Variants in COG5 observed in about 807,000 individuals in gnomAD.
COG5 encodes the protein conserved oligomeric Golgi complex subunit 5.
In COG5, 86 loss-of-function variants were observed where a neutral mutation model predicts 110.4. That is an observed-to-expected ratio of 0.78 (90% CI 0.65 to 0.93). The LOEUF (loss-of-function observed/expected upper bound fraction) is 0.93. Among genes scored for constraint, COG5 ranks in the 40% least tolerant of loss-of-function variants. The pLI is 0.00. For synonymous variants in COG5, 360 were observed against 334.6 expected (o/e 1.08, Z -0.83); for missense variants, 1,077 against 987.0 (o/e 1.09, Z -1.22).
chr7:107,417,829 T>A (rs1416761170), intron 6 of COG5, among the ~76,000 whole-genome samples: 1 of 152,144 alleles, frequency 6.6e-6, no homozygotes, highest in Non-Finnish European at 1.5e-5. Context: ...AATTTCTAAA[T>A]AATTTTTGCT....
chr7:107,342,385 A>C lies in COG5; in HGVS notation c.1027-17864T>G, dbSNP rs957621249. Among the ~76,000 whole-genome samples the C allele has an allele frequency of 5.9e-5, 9 of 151,278 alleles. No homozygotes were observed. In the South Asian group the frequency reaches 6.2e-4, roughly 10 times the overall value. ...AAACAAACCAAAAAAAAAAAAAAAA[A>C]ACACACCACAGGCTGGGTGCGGTGG... On this transcript the variant is annotated intron_variant, in intron 10 of 21. Coordinates refer to ENST00000297135, the MANE Select transcript of COG5 (RefSeq NM_006348.5).
At chr7:107,455,370 T>C (rs1418990115) in intron 6 of COG5, among the ~76,000 whole-genome samples, 1 of 152,188 alleles carries the variant, frequency 6.6e-6, no homozygotes, top group African/African-American at 2.4e-5. Flanking sequence ...CACTTTTAGA[T>C]GAGATGCACA....
chr7:107,549,402 C>CT (rs1403002720), intron 3 of COG5: 11 of 151,900 alleles, frequency 7.2e-5, no homozygotes, highest in Non-Finnish European at 1.6e-4. Context: ...TCTAGGCTTT[C>CT]TTTTTTTGAG....
chr7:107,275,416 T>C (rs1804625218), intron 14 of COG5, among the ~76,000 whole-genome samples: 1 of 151,906 alleles, frequency 6.6e-6, no homozygotes, highest in South Asian at 2.1e-4. Context: ...GCACATAATA[T>C]AAAAACTCTT....
At chr7:107,545,254 A>G (rs1802325691) in intron 5 of COG5, among the ~76,000 whole-genome samples, 3 of 152,234 alleles carry the variant, frequency 2.0e-5, no homozygotes, top group Admixed American at 2.0e-4. Context: ...TGGAATGTAA[A>G]AAATATCCAG....
chr7:107,240,146 G>A (rs893959968), intron 17 of COG5, among the ~76,000 whole-genome samples: 4 of 152,154 alleles, frequency 2.6e-5, no homozygotes, highest in Non-Finnish European at 5.9e-5. Context: ...AATTTGGAAA[G>A]AAACACGTCA....
intron 7 of COG5, among the ~76,000 whole-genome samples, chr7:107,382,012 T>C (rs1486452017): frequency 1.3e-5 from 2 of 152,218 alleles, no homozygotes; most frequent in African/African-American, 4.8e-5. Flanking sequence ...TTTTGCAACA[T>C]GACACAACTG....
intron 11 of COG5, among the ~76,000 whole-genome samples, chr7:107,321,797 C>T (rs1307195377): frequency 1.3e-5 from 2 of 152,076 alleles, no homozygotes; most frequent in African/African-American, 4.8e-5. Flanking sequence ...ATGCTTCTGA[C>T]TTTGGATTAG....
intron 6 of COG5, among the ~76,000 whole-genome samples, chr7:107,459,499 A>C (rs1301803215): frequency 6.6e-6 from 1 of 152,170 alleles, no homozygotes; most frequent in Non-Finnish European, 1.5e-5. Flanking sequence ...CTTTATTTTA[A>C]ATGTTAATAG....
At chr7:107,296,270 C>T (rs1274475983) in intron 12 of COG5, among the ~76,000 whole-genome samples, 1 of 151,802 alleles carries the variant, frequency 6.6e-6, no homozygotes, top group African/African-American at 2.4e-5. Flanking sequence ...ATTAGGATTC[C>T]ACCTCCTGGA....
chr7:107,279,127 G>A (rs1804949978), intron 14 of COG5, among the ~76,000 whole-genome samples: 1 of 152,062 alleles, frequency 6.6e-6, no homozygotes, highest in African/African-American at 2.4e-5. Flanking sequence ...AGTGGGCAAA[G>A]GGTCTGAACA....
chr7:107,247,868 C>G (rs1802168803), intron 17 of COG5, among the ~76,000 whole-genome samples: 1 of 152,110 alleles, frequency 6.6e-6, no homozygotes, highest in African/African-American at 2.4e-5. Flanking sequence ...GTCACATAAC[C>G]TCCGAGGAAG....
intron 21 of COG5, among the ~76,000 whole-genome samples, chr7:107,206,820 C>T (rs1798819378): frequency 6.6e-6 from 1 of 152,152 alleles, no homozygotes; most frequent in African/African-American, 2.4e-5. Context: ...GATTAAGCTG[C>T]CCTCCCACAT....
intron 21 of COG5, chr7:107,209,900 C>T: frequency 2.0e-6 from 2 of 985,964 alleles, no homozygotes; most frequent in Non-Finnish European, 2.4e-6. Context: ...GCTGAGAGGT[C>T]TCTGGTGATG....
In COG5 at chr7:107,223,584, C is replaced by G. The variant is rs552201252; in HGVS notation, c.2168+7031G>C. Among the ~76,000 whole-genome samples the G allele has an allele frequency of 3.3e-5, 5 of 152,276 alleles. No individual in the cohort carries two copies. The East Asian group carries it at 9.6e-4, about 29-fold the overall frequency. On this transcript the variant is annotated intron_variant, in intron 19 of 21. Transcript: ENST00000297135. ...TGCAACAGAAGACAGTGAGATGAGG[C>G]ATTTCAGCAGCAGGAGGTGGCCACT...
At chr7:107,443,683 T>A (rs568817507) in intron 6 of COG5, among the ~76,000 whole-genome samples, 1 of 152,282 alleles carries the variant, frequency 6.6e-6, no homozygotes, top group East Asian at 1.9e-4. Context: ...TTTGTTAAAA[T>A]CCTAGTCTTA....
chr7:107,457,199 A>T (rs1795715929), intron 6 of COG5, among the ~76,000 whole-genome samples: 1 of 125,060 alleles, frequency 8.0e-6, no homozygotes, highest in Non-Finnish European at 1.6e-5. Flanking sequence ...TAACTATAGA[A>T]ATTAATCAAA....
chr7:107,282,628 T>G (rs138775215), intron 13 of COG5, among the ~76,000 whole-genome samples: 2,902 of 152,262 alleles, frequency 0.019, 96 homozygotes, highest in African/African-American at 0.065. Flanking sequence ...TTCAAGCGAT[T>G]CTGATGCCTC....
chr7:107,476,850 A>G (rs1021177348), intron 6 of COG5, among the ~76,000 whole-genome samples: 3 of 151,694 alleles, frequency 2.0e-5, no homozygotes, highest in Non-Finnish European at 3.0e-5. Context: ...TAAATAAATG[A>G]GATTTATCCA....
Sources: gnomAD v4.1 joint callset for allele counts (sites outside exome capture counted in the v4.1 genomes callset) on GRCh38, gnomAD v4.1.1 for gene constraint, MANE v1.5 for transcripts, NCBI Gene and HGNC (gene_info 2026-07-23, HGNC 2026-07-21) for gene names.